The following CDH13 variants were observed in gnomAD, a reference collection of about 807,000 sequenced individuals.
CDH13 encodes the protein cadherin 13.
A neutral mutation model predicts 63.8 loss-of-function variants in CDH13; 24 were observed. The observed-to-expected ratio is 0.38, with a 90% CI of 0.27 to 0.53. The LOEUF is 0.53. Among genes scored for constraint, CDH13 ranks in the 20% least tolerant of loss-of-function variants. The probability of loss-of-function intolerance (pLI) is 0.85; values close to 1 mark genes in which losing one functional copy is unlikely to be tolerated. For synonymous variants in CDH13, 503 were observed against 355.3 expected, an observed-to-expected ratio of 1.42 and a Z score of -4.67; for missense variants, 1,049 against 903.1, an observed-to-expected ratio of 1.16 and a Z score of -2.07.
At chr16:83,059,618 G>C (rs1287861414) in intron 3 of CDH13, among the ~76,000 whole-genome samples, 2 of 152,064 alleles carry the variant, frequency 1.3e-5, no homozygotes, top group Non-Finnish European at 2.9e-5. Context: ...GTAGAGCCAG[G>C]CTGTTGCATG....
At chr16:83,505,616 TCG>T (rs1469490896) in intron 7 of CDH13, among the ~76,000 whole-genome samples, 3 of 144,852 alleles carry the variant, frequency 2.1e-5, no homozygotes, top group Non-Finnish European at 4.5e-5. Context: ...GAATCTCGGC[TCG>T]CCACAATCTC....
At chr16:83,104,561 A>G (rs977631463) in intron 3 of CDH13, among the ~76,000 whole-genome samples, 1 of 151,640 alleles carries the variant, frequency 6.6e-6, no homozygotes, top group Non-Finnish European at 1.5e-5. Context: ...CAAAAAAGGA[A>G]GAAGAATAGT....
At chr16:82,923,164 G>A (rs937606125) in intron 2 of CDH13, among the ~76,000 whole-genome samples, 8 of 152,166 alleles carry the variant, frequency 5.3e-5, no homozygotes, top group Non-Finnish European at 1.0e-4. Context: ...TGTAAAAACT[G>A]CAATATCTGT....
chr16:82,726,904 TGA>T, intron 1 of CDH13, among the ~76,000 whole-genome samples: 1 of 152,204 alleles, frequency 6.6e-6, no homozygotes, highest in African/African-American at 2.4e-5. Context: ...GTATTCTGTC[TGA>T]GGCCAGAGTT....
chr16:83,196,304 A>G (rs988510974), intron 4 of CDH13, among the ~76,000 whole-genome samples: 3 of 152,180 alleles, frequency 2.0e-5, no homozygotes, highest in Non-Finnish European at 4.4e-5. Context: ...AAAGTGGATC[A>G]CAGATATAAA....
At chr16:82,967,257 C>G (rs1907983190) in intron 2 of CDH13, among the ~76,000 whole-genome samples, 3 of 152,194 alleles carry the variant, frequency 2.0e-5, no homozygotes, top group African/African-American at 7.2e-5. Flanking sequence ...AAACTCCCCT[C>G]TACCTCCACA....
intron 1 of CDH13, among the ~76,000 whole-genome samples, chr16:82,729,804 C>T (rs762539637): frequency 7.2e-5 from 11 of 152,166 alleles, no homozygotes; most frequent in East Asian, 1.9e-4. Context: ...TTTATCTACA[C>T]GAAAAATCTG....
chr16:82,747,540 C>A (rs538738229), intron 1 of CDH13, among the ~76,000 whole-genome samples: 1 of 152,252 alleles, frequency 6.6e-6, no homozygotes, highest in South Asian at 2.1e-4. Context: ...ATTTGAAATG[C>A]AAATTCTTGG....
At chr16:83,414,739 T>C (rs1233237496) in intron 6 of CDH13, among the ~76,000 whole-genome samples, 1 of 152,230 alleles carries the variant, frequency 6.6e-6, no homozygotes, top group Admixed American at 6.5e-5. Flanking sequence ...TTGTTGCATA[T>C]TGCAGAATAT....
rs2081146984 is a variant in CDH13, at chr16:82,844,356, C to G, written c.46-14006C>G. 5 of 152,144 alleles carry G rather than the reference C, an allele frequency of 3.3e-5. No homozygotes were observed. In the South Asian group the frequency reaches 1.0e-3, roughly 32 times the overall value. The allele number at this position is 152,144 out of a possible 1,614,324, so 9.4% of individuals were successfully genotyped here. ...ACTTTAGAACTATAAGGTAATAAAA[C>G]TCTGGGAGGCTGAGGCAGGCGGATC... On this transcript the variant is annotated intron_variant, in intron 1 of 13. Coordinates refer to ENST00000567109, the MANE Select transcript of CDH13 (RefSeq NM_001257.5).
At chr16:82,674,499 A>C (rs918815309) in intron 1 of CDH13, among the ~76,000 whole-genome samples, 1 of 152,258 alleles carries the variant, frequency 6.6e-6, no homozygotes, top group Non-Finnish European at 1.5e-5. Context: ...TGAAATCCTC[A>C]GTTAACCACA....
intron 5 of CDH13, among the ~76,000 whole-genome samples, chr16:83,251,745 G>T (rs1283009938): frequency 6.6e-6 from 1 of 152,126 alleles, no homozygotes; most frequent in Non-Finnish European, 1.5e-5. Context: ...TTCCACCTTG[G>T]GAATCACAGT....
At chr16:83,286,344 C>T (rs2089311915) in intron 5 of CDH13, among the ~76,000 whole-genome samples, 1 of 152,160 alleles carries the variant, frequency 6.6e-6, no homozygotes, top group Admixed American at 6.5e-5. Flanking sequence ...CCAAAGAGTT[C>T]TATCCTCAGG....
chr16:83,102,582 G>A (rs555126623), intron 3 of CDH13, among the ~76,000 whole-genome samples: 3 of 152,304 alleles, frequency 2.0e-5, no homozygotes, highest in African/African-American at 7.2e-5. Context: ...AGATCGCACT[G>A]GAAGCTACGA....
intron 1 of CDH13, among the ~76,000 whole-genome samples, chr16:82,738,027 A>G (rs58258528): frequency 0.1 from 15,206 of 152,254 alleles, 888 homozygotes; most frequent in East Asian, 0.27. Flanking sequence ...TGCACAATGC[A>G]GTACTGTCAA....
intron 5 of CDH13, among the ~76,000 whole-genome samples, chr16:83,270,340 C>T (rs1280572551): frequency 6.6e-6 from 1 of 152,164 alleles, no homozygotes; most frequent in Non-Finnish European, 1.5e-5. Flanking sequence ...TCAGGTTTTA[C>T]AGTCTGGGAT....
rs117924864 is a variant in CDH13, at chr16:83,147,795, G to C, written c.483+22294G>C. Among the ~76,000 whole-genome samples, 141 of 152,096 alleles carry C rather than the reference G, an allele frequency of 9.3e-4. 2 individuals are homozygous for C. The East Asian group carries it at 0.022, about 23-fold the overall frequency. ...TTCCCACTGGTCTCTGGGGTCACAGGGGGCAAAGACCTCACCTCACTCATC... is the reference window on the plus strand; with the variant it reads ...TTCCCACTGGTCTCTGGGGTCACAGCGGGCAAAGACCTCACCTCACTCATC... On this transcript the variant is annotated intron_variant, in intron 4 of 13. Transcript: ENST00000567109.
chr16:82,670,383 C>G (rs1028345838), intron 1 of CDH13, among the ~76,000 whole-genome samples: 1 of 152,316 alleles, frequency 6.6e-6, no homozygotes, highest in Non-Finnish European at 1.5e-5. Flanking sequence ...CCACTGATTT[C>G]TCCTTCACGC....
intron 1 of CDH13, among the ~76,000 whole-genome samples, chr16:82,657,326 T>G (rs148183781): frequency 6.6e-6 from 1 of 152,344 alleles, no homozygotes; most frequent in East Asian, 1.9e-4. Flanking sequence ...CAAAATCTGT[T>G]GTAGCGCACT....
Sources: allele counts gnomAD v4.1 joint callset (sites outside exome capture counted in the v4.1 genomes callset), GRCh38; gene constraint gnomAD v4.1.1; transcripts MANE v1.5; gene names NCBI Gene and HGNC (gene_info 2026-07-23, HGNC 2026-07-21).